MAN2A1: variants seen among roughly 807,000 people sequenced by gnomAD.
The protein encoded by MAN2A1 is mannosidase alpha class 2A member 1.
A neutral mutation model predicts 142.6 loss-of-function variants in MAN2A1; 76 were observed. The observed-to-expected ratio is 0.53, with a 90% CI of 0.44 to 0.65. The LOEUF (loss-of-function observed/expected upper bound fraction) is 0.65. Ranked by LOEUF, MAN2A1 falls within the 30% of genes least tolerant of loss-of-function variation. MAN2A1 has a pLI of 0.00. For missense variants in MAN2A1, 1,311 were observed against 1,365.1 expected, an observed-to-expected ratio of 0.96 and a Z score of 0.62; for synonymous variants, 559 against 473.2, an observed-to-expected ratio of 1.18 and a Z score of -2.35.
chr5:109,750,688 C>T (rs1023033034), intron 4 of MAN2A1, among the ~76,000 whole-genome samples: 4 of 151,970 alleles, frequency 2.6e-5, no homozygotes, highest in African/African-American at 9.7e-5. Flanking sequence ...CCTGTATGAG[C>T]ATAGTATTTT....
chr5:109,708,509 G>GAGACACACACACACACAC (rs1554072321), intron 1 of MAN2A1, among the ~76,000 whole-genome samples: 21 of 124,608 alleles, frequency 1.7e-4, no homozygotes, highest in African/African-American at 6.6e-4. Flanking sequence ...GAACTGATAG[G>GAGACACACACACACACAC]ACACACACAC....
Position 109,774,856 on chromosome 5 carries a change from C to T in MAN2A1, c.1265C>T (p.Pro422Leu). ...KLFRTKVLLA[P>L]LGDDFRYCEY... Reference sequence around the variant, plus strand: ...TTTCGTACCAAAGTTCTCCTGGCTCCACTAGGAGATGATTTCCGCTACTGT... The same window carrying T: ...TTTCGTACCAAAGTTCTCCTGGCTCTACTAGGAGATGATTTCCGCTACTGT... The change falls in exon 8 of 22, where the codon CCA (proline) becomes CTA (leucine). Residue 422 changes from proline (P) to leucine (L), a missense_variant. Physicochemically the swap from Pro to Leu is moderately conservative, Grantham distance 98 (BLOSUM62 -3). Transcript: ENST00000261483. 6.2e-7 allele frequency: 1 copy of T among 1,611,252 alleles called. No homozygotes were observed. Among genetic ancestry groups the T allele is most frequent in the Non-Finnish European group, 8.5e-7 (1 of 1,178,150 alleles).
intron 12 of MAN2A1, among the ~76,000 whole-genome samples, chr5:109,801,071 T>C (rs1363999116): frequency 6.6e-6 from 1 of 152,248 alleles, no homozygotes; most frequent in Non-Finnish European, 1.5e-5. Context: ...TGTATTGCAC[T>C]GAACTGCATA....
chr5:109,865,038 G>A lies in MAN2A1; in HGVS notation c.3174G>A (p.Val1058=). 6.2e-7 allele frequency: 1 copy of A among 1,610,258 alleles called. No individual in the cohort carries two copies. The highest frequency in any genetic ancestry group is 8.5e-7 in the Non-Finnish European group (1 of 1,176,546). The stretch of plus-strand genomic sequence containing the variant: ...GACTGCATTCTGCTCATTTGCAGGT[G>A]GGCAATGGGCACTCCAATGAGGCAG... ...LVNLRTIQSK[V]GNGHSNEAAL... is the part of the protein sequence containing the mutation. The change falls in exon 21 of 22, where the codon GTG becomes GTA. Residue 1058 remains valine, a splice_region_variant and synonymous_variant. Transcript: ENST00000261483.
chr5:109,819,214 T>C (rs113809130), intron 13 of MAN2A1, among the ~76,000 whole-genome samples: 8 of 152,220 alleles, frequency 5.3e-5, no homozygotes, highest in Non-Finnish European at 8.8e-5. Flanking sequence ...TTAAGTGTTC[T>C]GAGTACATGA....
intron 8 of MAN2A1, among the ~76,000 whole-genome samples, chr5:109,777,598 T>A (rs1037242807): frequency 6.6e-5 from 10 of 152,140 alleles, no homozygotes; most frequent in Non-Finnish European, 1.3e-4. Flanking sequence ...TTTCTTTATG[T>A]TTAGAACTTG....
At chr5:109,813,786 A>G (rs903367676) in intron 12 of MAN2A1, among the ~76,000 whole-genome samples, 1 of 152,234 alleles carries the variant, frequency 6.6e-6, no homozygotes, top group African/African-American at 2.4e-5. Context: ...AATTTTTAGT[A>G]TACTCATCCT....
intron 1 of MAN2A1, among the ~76,000 whole-genome samples, chr5:109,691,242 G>C (rs996303737): frequency 6.6e-6 from 1 of 152,150 alleles, no homozygotes; most frequent in African/African-American, 2.4e-5. Flanking sequence ...ATTGGTAAAT[G>C]AGTTGGGAAG....
intron 7 of MAN2A1, among the ~76,000 whole-genome samples, chr5:109,773,421 A>G (rs1031999264): frequency 8.5e-5 from 13 of 152,068 alleles, no homozygotes; most frequent in Non-Finnish European, 1.9e-4. Flanking sequence ...GCTCAATTAT[A>G]TCTTATATCT....
intron 4 of MAN2A1, among the ~76,000 whole-genome samples, chr5:109,743,322 G>A (rs574500693): frequency 3.3e-5 from 5 of 152,270 alleles, no homozygotes; most frequent in African/African-American, 1.2e-4. Flanking sequence ...CAGATCTAAA[G>A]ATCCAACCTG....
intron 4 of MAN2A1, among the ~76,000 whole-genome samples, chr5:109,754,478 T>C (rs139414798): frequency 5.3e-5 from 8 of 152,318 alleles, no homozygotes; most frequent in Non-Finnish European, 5.9e-5. Context: ...TATGATGTTA[T>C]CTGTATTCCC....
At chr5:109,851,487 T>C (rs1755480268) in intron 19 of MAN2A1, among the ~76,000 whole-genome samples, 1 of 152,026 alleles carries the variant, frequency 6.6e-6, no homozygotes, top group Non-Finnish European at 1.5e-5. Context: ...ATTGCAGGAG[T>C]GGCTTTGTTA....
intron 16 of MAN2A1, among the ~76,000 whole-genome samples, chr5:109,832,151 AAGG>A (rs142544563): frequency 0.14 from 19,638 of 138,066 alleles, 2,143 homozygotes; most frequent in East Asian, 0.6. Flanking sequence ...CTGGTAATGG[AAGG>A]AGTTTTCTTT....
At position 109,700,458 on chromosome 5, in the gene MAN2A1, T is replaced by G. The variant is rs1008264503; in HGVS notation, c.135+9906T>G. On this transcript the variant is annotated intron_variant, in intron 1 of 21. Coordinates refer to ENST00000261483, the MANE Select transcript of MAN2A1 (RefSeq NM_002372.4). Reference sequence around the variant, plus strand: ...CCCTTCTGTTTCTTCATACCACAGATGTAGAGGAATGTGGCATTTATGGGT... The same window carrying G: ...CCCTTCTGTTTCTTCATACCACAGAGGTAGAGGAATGTGGCATTTATGGGT... Among the ~76,000 whole-genome samples, 29 of 152,298 alleles carry G rather than the reference T, an allele frequency of 1.9e-4. No homozygotes were observed. The Middle Eastern group carries it at 0.014, about 71-fold the overall frequency.
At chr5:109,744,614 A>G (rs1752350812) in intron 4 of MAN2A1, among the ~76,000 whole-genome samples, 1 of 152,118 alleles carries the variant, frequency 6.6e-6, no homozygotes, top group Admixed American at 6.5e-5. Context: ...AAAGATGACA[A>G]CGTCAAAAGT....
chr5:109,755,844 G>A (rs1232518771), intron 5 of MAN2A1, among the ~76,000 whole-genome samples: 1 of 151,962 alleles, frequency 6.6e-6, no homozygotes, highest in South Asian at 2.1e-4. Context: ...GTAGCTTCAG[G>A]TATTGCTGTA....
chr5:109,692,975 A>G (rs925791171), intron 1 of MAN2A1, among the ~76,000 whole-genome samples: 2 of 152,030 alleles, frequency 1.3e-5, no homozygotes, highest in African/African-American at 4.8e-5. Flanking sequence ...CAGGAGGTGG[A>G]GCTCAGGCGG....
rs140892420 is a variant in MAN2A1 at position 109,722,679 on chromosome 5, G to C, written c.535+6415G>C. On this transcript the variant is annotated intron_variant, in intron 3 of 21. Coordinates refer to ENST00000261483, the MANE Select transcript of MAN2A1 (RefSeq NM_002372.4). The stretch of plus-strand genomic sequence containing the variant: ...GATCCGTCCGCCTTGGCCTCCCAAA[G>C]TGCTGGGATTACAGACTTAAGCCAC... Among the ~76,000 whole-genome samples, 10 of 152,268 alleles carry C rather than the reference G, an allele frequency of 6.6e-5. No homozygotes were observed. In the South Asian group the frequency reaches 1.2e-3, roughly 19 times the overall value.
At chr5:109,757,788 G>C (rs925655585) in intron 5 of MAN2A1, among the ~76,000 whole-genome samples, 3 of 152,152 alleles carry the variant, frequency 2.0e-5, no homozygotes, top group Non-Finnish European at 2.9e-5. Context: ...CACATAGATG[G>C]AAGCATGTAA....
Sources: allele counts gnomAD v4.1 joint callset (sites outside exome capture counted in the v4.1 genomes callset), GRCh38; gene constraint gnomAD v4.1.1; transcripts MANE v1.5; gene names NCBI Gene and HGNC (gene_info 2026-07-23, HGNC 2026-07-21).